The following GABRB1 variants were observed in gnomAD, a reference collection of about 807,000 sequenced individuals.
The protein encoded by GABRB1 is gamma-aminobutyric acid type A receptor subunit beta1, also known as gamma-aminobutyric acid receptor subunit beta-1.
Under a neutral mutation model 51.6 loss-of-function variants are expected in GABRB1, and 17 were observed. The observed-to-expected ratio is 0.33, with a 90% CI of 0.23 to 0.49. The LOEUF (loss-of-function observed/expected upper bound fraction) is 0.49. GABRB1 is among the 20% of genes least tolerant of loss of function. GABRB1 has a pLI of 0.99. For missense variants in GABRB1, 410 were observed against 600.6 expected (o/e 0.68, Z 3.32); for synonymous variants, 247 against 218.9 (o/e 1.13, Z -1.14).
chr4:47,223,420 C>A (rs1720838221), intron 4 of GABRB1, among the ~76,000 whole-genome samples: 1 of 151,986 alleles, frequency 6.6e-6, no homozygotes, highest in Non-Finnish European at 1.5e-5. Flanking sequence ...AAAATATATA[C>A]ATAAATGTAA....
chr4:47,230,985 A>G (rs769172167), intron 4 of GABRB1, among the ~76,000 whole-genome samples: 1 of 152,132 alleles, frequency 6.6e-6, no homozygotes, highest in African/African-American at 2.4e-5. Flanking sequence ...GGCTGGATTT[A>G]TAAGGTAAAA....
intron 1 of GABRB1, among the ~76,000 whole-genome samples, chr4:46,998,624 C>T (rs1724079005): frequency 6.6e-6 from 1 of 150,736 alleles, no homozygotes; most frequent in Non-Finnish European, 1.5e-5. Flanking sequence ...GTCCCAGCTA[C>T]TCGGGAGGCT....
At chr4:47,317,410 A>G (rs1321170942) in intron 4 of GABRB1, among the ~76,000 whole-genome samples, 1 of 151,978 alleles carries the variant, frequency 6.6e-6, no homozygotes, top group African/African-American at 2.4e-5. Context: ...TTTAATATTT[A>G]TTGTGGGTGT....
intron 4 of GABRB1, among the ~76,000 whole-genome samples, chr4:47,165,050 C>A (rs540866454): frequency 7.2e-5 from 11 of 152,180 alleles, no homozygotes. Context: ...TGTTAGGAGA[C>A]CAGAACTTTA....
rs187817619 is a variant in GABRB1 at position 47,213,052 on chromosome 4, C to T, written c.461+51583C>T. 3.3e-4 allele frequency among the ~76,000 whole-genome samples: 51 copies of T among 152,254 alleles called. 1 individual carries two copies. Among genetic ancestry groups the T allele is most frequent in the Admixed American group, 2.8e-3 (43 of 15,288 alleles). The stretch of plus-strand genomic sequence containing the variant: ...CTCTTCATTATTTGCTGCTTTCACT[C>T]ACCTTACAGGTCTTATCTCAAATAT... On this transcript the variant is annotated intron_variant, in intron 4 of 8. Coordinates refer to ENST00000295454, the MANE Select transcript of GABRB1 (RefSeq NM_000812.4).
At chr4:47,226,021 A>C (rs933424457) in intron 4 of GABRB1, among the ~76,000 whole-genome samples, 1 of 152,164 alleles carries the variant, frequency 6.6e-6, no homozygotes, top group Non-Finnish European at 1.5e-5. Context: ...AGGGATGTAC[A>C]ACAATGCAAG....
intron 4 of GABRB1, among the ~76,000 whole-genome samples, chr4:47,211,034 T>C (rs1720331983): frequency 6.6e-6 from 1 of 152,198 alleles, no homozygotes; most frequent in South Asian, 2.1e-4. Context: ...TTAGCTTCTT[T>C]GACACATAAG....
At chr4:47,270,375 A>G (rs10026884) in intron 4 of GABRB1, among the ~76,000 whole-genome samples, 69,149 of 152,022 alleles carry the variant, frequency 0.45, 17,091 homozygotes, top group East Asian at 0.77. Context: ...GCAGGAGCCT[A>G]AATTAACCTG....
intron 3 of GABRB1, among the ~76,000 whole-genome samples, chr4:47,128,590 TA>T (rs1220188099): frequency 6.6e-6 from 1 of 151,970 alleles, no homozygotes; most frequent in Non-Finnish European, 1.5e-5. Context: ...AAAAGGCAAA[TA>T]TAACTTAGAG....
chr4:47,064,662 AAG>A (rs1491062581), intron 3 of GABRB1, among the ~76,000 whole-genome samples: 1 of 151,158 alleles, frequency 6.6e-6, no homozygotes, highest in Non-Finnish European at 1.5e-5. Flanking sequence ...AAAAAAAAAA[AAG>A]AGAAAAGAAA....
chr4:47,352,569 T>C (rs1384272388), intron 5 of GABRB1, among the ~76,000 whole-genome samples: 1 of 152,148 alleles, frequency 6.6e-6, no homozygotes, highest in Non-Finnish European at 1.5e-5. Flanking sequence ...TTATCCACCA[T>C]GATCAAGTGG....
chr4:47,017,902 C>A (rs1724797105), intron 1 of GABRB1, among the ~76,000 whole-genome samples: 1 of 152,172 alleles, frequency 6.6e-6, no homozygotes, highest in Non-Finnish European at 1.5e-5. Context: ...TTGTTAAATT[C>A]AGATTTTCAG....
chr4:47,225,240 T>G (rs1375948709), intron 4 of GABRB1, among the ~76,000 whole-genome samples: 4 of 152,126 alleles, frequency 2.6e-5, no homozygotes, highest in Non-Finnish European at 5.9e-5. Context: ...GGTGCTCAGA[T>G]GGAACCATAG....
intron 3 of GABRB1, among the ~76,000 whole-genome samples, chr4:47,155,933 ATATATATATATATG>A (rs1336644767): frequency 5.3e-5 from 5 of 94,764 alleles, no homozygotes; most frequent in Non-Finnish European, 7.8e-5. Context: ...ATATATATAT[ATATATATATATATG>A]AAACCACTTT....
intron 4 of GABRB1, among the ~76,000 whole-genome samples, chr4:47,186,353 A>G (rs1164386634): frequency 6.6e-6 from 1 of 151,804 alleles, no homozygotes; most frequent in East Asian, 1.9e-4. Context: ...CAGAACATGG[A>G]CCTAAAATCA....
rs555056695 is a variant in GABRB1 at position 47,098,924 on chromosome 4, A to T, written c.241-62325A>T. On this transcript the variant is annotated intron_variant, in intron 3 of 8. Transcript: ENST00000295454. ...CAACACTTTAGGAACACTTTAGAAG[A>T]TCTTATTCCATTATTGAAAAGATGT... 5.3e-5 allele frequency among the ~76,000 whole-genome samples: 8 copies of T among 152,200 alleles called. No individual in the cohort carries two copies. The South Asian group carries it at 1.7e-3, about 31-fold the overall frequency.
At chr4:47,283,582 G>T (rs1723385696) in intron 4 of GABRB1, among the ~76,000 whole-genome samples, 1 of 151,032 alleles carries the variant, frequency 6.6e-6, no homozygotes, top group Non-Finnish European at 1.5e-5. Context: ...TAGAGACGGG[G>T]TTTCACTGTG....
intron 3 of GABRB1, among the ~76,000 whole-genome samples, chr4:47,046,586 C>A (rs944865528): frequency 6.6e-6 from 1 of 151,982 alleles, no homozygotes; most frequent in Non-Finnish European, 1.5e-5. Context: ...CACAGTGACC[C>A]TGAAGATGAG....
At chr4:47,337,408 T>C (rs1188729271) in intron 5 of GABRB1, among the ~76,000 whole-genome samples, 1 of 152,000 alleles carries the variant, frequency 6.6e-6, no homozygotes, top group Non-Finnish European at 1.5e-5. Context: ...GATGAGAGCA[T>C]TGAGGATATG....
Sources: gnomAD v4.1 joint callset for allele counts (sites outside exome capture counted in the v4.1 genomes callset) on GRCh38, gnomAD v4.1.1 for gene constraint, MANE v1.5 for transcripts, NCBI Gene and HGNC (gene_info 2026-07-23, HGNC 2026-07-21) for gene names.